ITPR2: variants seen among roughly 807,000 people sequenced by gnomAD.
ITPR2 encodes inositol 1,4,5-trisphosphate receptor type 2, also known as inositol 1,4,5-trisphosphate-gated calcium channel ITPR2.
ITPR2 carries 207 observed loss-of-function variants against 317.1 expected under a neutral mutation model. The observed-to-expected ratio is 0.65, with a 90% confidence interval of 0.58 to 0.73. The LOEUF (loss-of-function observed/expected upper bound fraction) is 0.73, where lower values mean the gene tolerates loss of function less well. ITPR2 is among the 30% of genes least tolerant of loss of function. The pLI is 0.00. For synonymous variants in ITPR2, 1,156 were observed against 1,149.1 expected (o/e 1.01, Z -0.12); for missense variants, 2,613 against 3,284.0 (o/e 0.80, Z 4.99).
chr12:26,825,896 C>T (rs953262261), intron 1 of ITPR2, among the ~76,000 whole-genome samples: 1 of 152,230 alleles, frequency 6.6e-6, no homozygotes, highest in African/African-American at 2.4e-5. Flanking sequence ...AGTGAACACA[C>T]ATGCAAATGT....
intron 9 of ITPR2, among the ~76,000 whole-genome samples, chr12:26,701,585 T>A (rs1385653577): frequency 1.3e-5 from 2 of 152,226 alleles, no homozygotes; most frequent in African/African-American, 4.8e-5. Context: ...TATGTTAGTC[T>A]GCTGTATTTA....
intron 1 of ITPR2, among the ~76,000 whole-genome samples, chr12:26,790,585 T>TCACACACACACACA (rs1263623456): frequency 4.4e-5 from 2 of 45,214 alleles, no homozygotes; most frequent in Non-Finnish European, 9.7e-5. Context: ...ACATATATGC[T>TCACACACACACACA]TACACACACA....
intron 2 of ITPR2, among the ~76,000 whole-genome samples, chr12:26,756,699 C>A (rs1565740847): frequency 6.6e-6 from 1 of 152,180 alleles, no homozygotes; most frequent in African/African-American, 2.4e-5. Context: ...TACCATCACC[C>A]CTTTCAGCCT....
intron 54 of ITPR2, among the ~76,000 whole-genome samples, chr12:26,389,529 A>C (rs1187230332): frequency 1.3e-5 from 2 of 149,016 alleles, no homozygotes; most frequent in Non-Finnish European, 3.0e-5. Context: ...GGACTTCAGG[A>C]CCTTTGGAAC....
At chr12:26,634,682 T>C (rs1362341630) in intron 21 of ITPR2, among the ~76,000 whole-genome samples, 1 of 151,914 alleles carries the variant, frequency 6.6e-6, no homozygotes, top group African/African-American at 2.4e-5. Context: ...GGCCAGGAGA[T>C]GAGACCAGCC....
At chr12:26,823,852 TCTC>T (rs977825635) in intron 1 of ITPR2, among the ~76,000 whole-genome samples, 2 of 151,880 alleles carry the variant, frequency 1.3e-5, no homozygotes, top group South Asian at 2.1e-4. Context: ...CACACACAAA[TCTC>T]CTCAAAAACT....
At chr12:26,624,415 G>T in intron 23 of ITPR2, 59 bp from the exon 24 acceptor site, 1 of 1,174,256 alleles carries the variant, frequency 8.5e-7, no homozygotes. Context: ...AGCCATAATA[G>T]TCATATTAAT....
chr12:26,549,173 G>A (rs1435440814), intron 37 of ITPR2, among the ~76,000 whole-genome samples: 1 of 152,106 alleles, frequency 6.6e-6, no homozygotes, highest in Non-Finnish European at 1.5e-5. Flanking sequence ...ATGAAAGCAC[G>A]TTTTTGAGTC....
At chr12:26,602,314 C>A in intron 28 of ITPR2, 56 bp downstream of exon 28, 2 of 1,550,916 alleles carry the variant, frequency 1.3e-6, no homozygotes, top group Middle Eastern at 1.7e-4. Context: ...CTTTGCAAAA[C>A]ATTTGAAATT....
intron 10 of ITPR2, among the ~76,000 whole-genome samples, chr12:26,691,459 A>G (rs1948239214): frequency 6.6e-6 from 1 of 152,140 alleles, no homozygotes; most frequent in South Asian, 2.1e-4. Context: ...TAGCTCTCCA[A>G]AACATTCTCA....
intron 36 of ITPR2, among the ~76,000 whole-genome samples, chr12:26,555,937 C>T (rs1324849155): frequency 6.6e-6 from 1 of 152,120 alleles, no homozygotes; most frequent in Non-Finnish European, 1.5e-5. Context: ...AAAGGTCACA[C>T]CATATAATTA....
At chr12:26,493,917 T>G in intron 39 of ITPR2, 1 of 374,310 alleles carries the variant, frequency 2.7e-6, no homozygotes, top group Non-Finnish European at 4.7e-6. Context: ...TGTTGTGGAA[T>G]TCCTGGAATA....
chr12:26,733,897 C>G (rs1421540101), intron 2 of ITPR2, among the ~76,000 whole-genome samples: 1 of 152,054 alleles, frequency 6.6e-6, no homozygotes, highest in Non-Finnish European at 1.5e-5. Context: ...AAAATGCAAG[C>G]CTCCAAATTT....
intron 34 of ITPR2, among the ~76,000 whole-genome samples, chr12:26,575,354 T>A (rs938874830): frequency 6.6e-6 from 1 of 151,768 alleles, no homozygotes; most frequent in Non-Finnish European, 1.5e-5. Context: ...GGAGATAACA[T>A]TAATTTCCTG....
At chr12:26,748,661 G>T (rs1949366428) in intron 2 of ITPR2, among the ~76,000 whole-genome samples, 1 of 152,188 alleles carries the variant, frequency 6.6e-6, no homozygotes, top group African/African-American at 2.4e-5. Context: ...TTTAGTCTTA[G>T]TGAGAATTAT....
intron 15 of ITPR2, 60 bp downstream of exon 15, chr12:26,663,625 C>T (rs1329807443): frequency 6.9e-7 from 1 of 1,441,344 alleles, no homozygotes; most frequent in African/African-American, 1.4e-5. Flanking sequence ...GAATTATAAC[C>T]AAAGAACCTT....
At chr12:26,519,154 T>A (rs568523659) in intron 37 of ITPR2, among the ~76,000 whole-genome samples, 58 of 152,116 alleles carry the variant, frequency 3.8e-4, no homozygotes, top group African/African-American at 1.3e-3. Context: ...CAGAAGAAAA[T>A]AAGAAAAACT....
chr12:26,518,541 C>T (rs529039727), intron 37 of ITPR2, among the ~76,000 whole-genome samples: 69 of 147,816 alleles, frequency 4.7e-4, no homozygotes, highest in African/African-American at 7.4e-4. Flanking sequence ...GAAGGGGGGG[C>T]GGGAATAAAT....
chr12:26,749,892 C>A (rs776204824), intron 2 of ITPR2, among the ~76,000 whole-genome samples: 1 of 152,142 alleles, frequency 6.6e-6, no homozygotes, highest in South Asian at 2.1e-4. Context: ...ATAAACTTCA[C>A]AATTGCTAAT....
Sources: gnomAD v4.1 joint callset for allele counts (sites outside exome capture counted in the v4.1 genomes callset) on GRCh38, gnomAD v4.1.1 for gene constraint, MANE v1.5 for transcripts, NCBI Gene and HGNC (gene_info 2026-07-23, HGNC 2026-07-21) for gene names.